WDR7: variants seen among roughly 807,000 people sequenced by gnomAD.
WDR7 encodes the protein WD repeat domain 7.
Under a neutral mutation model 169.4 loss-of-function variants are expected in WDR7, and 46 were observed. The observed-to-expected ratio is 0.27, with a 90% CI of 0.21 to 0.35. WDR7 has a LOEUF of 0.35. Among genes scored for constraint, WDR7 ranks in the 10% least tolerant of loss-of-function variants. The probability of loss-of-function intolerance (pLI) is 1.00; values close to 1 mark genes in which losing one functional copy is unlikely to be tolerated. For synonymous variants in WDR7, 612 were observed against 666.8 expected (o/e 0.92, Z 1.27); for missense variants, 1,534 against 1,859.3 (o/e 0.83, Z 3.22).
At chr18:56,722,599 T>C (rs890159382) in intron 13 of WDR7, among the ~76,000 whole-genome samples, 3 of 152,186 alleles carry the variant, frequency 2.0e-5, no homozygotes, top group African/African-American at 7.2e-5. Flanking sequence ...TAAAACCAAG[T>C]ATAATCAGAG....
intron 26 of WDR7, among the ~76,000 whole-genome samples, chr18:57,017,434 G>GCA (rs2048222432): frequency 6.7e-6 from 1 of 148,532 alleles, no homozygotes; most frequent in African/African-American, 2.5e-5. Flanking sequence ...GTGTGTGTGT[G>GCA]TGTGTGTGTG....
intron 14 of WDR7, among the ~76,000 whole-genome samples, chr18:56,744,864 G>A (rs547316477): frequency 6.6e-6 from 1 of 152,298 alleles, no homozygotes; most frequent in South Asian, 2.1e-4. Context: ...AGAAGGTGTG[G>A]CCAGAGTGGG....
chr18:56,725,244 G>T (rs924206682), intron 13 of WDR7, among the ~76,000 whole-genome samples: 3 of 150,710 alleles, frequency 2.0e-5, no homozygotes, highest in African/African-American at 7.5e-5. Flanking sequence ...CTTCCACAAT[G>T]GTTGAACTAG....
intron 20 of WDR7, among the ~76,000 whole-genome samples, chr18:56,833,668 T>A (rs532729890): frequency 2.0e-4 from 30 of 152,118 alleles, no homozygotes; most frequent in Admixed American, 1.3e-4. Flanking sequence ...CATATAAAAA[T>A]CTTTTCTTTA....
intron 19 of WDR7, among the ~76,000 whole-genome samples, chr18:56,789,736 A>G (rs1001134777): frequency 4.6e-5 from 7 of 152,178 alleles, no homozygotes; most frequent in African/African-American, 1.7e-4. Flanking sequence ...CCCTATCTTT[A>G]TACCTTCAGT....
At chr18:56,839,929 G>T (rs1416184338) in intron 20 of WDR7, among the ~76,000 whole-genome samples, 3 of 152,080 alleles carry the variant, frequency 2.0e-5, no homozygotes, top group Non-Finnish European at 2.9e-5. Flanking sequence ...GGGCATGGTG[G>T]CAGGTGCCTG....
At chr18:56,690,671 AG>A (rs1240601808) in intron 7 of WDR7, among the ~76,000 whole-genome samples, 1 of 151,952 alleles carries the variant, frequency 6.6e-6, no homozygotes, top group Non-Finnish European at 1.5e-5. Flanking sequence ...GAAATAAAAA[AG>A]TTAGCAGGGC....
chr18:56,686,403 T>G (rs1009856052), intron 6 of WDR7, among the ~76,000 whole-genome samples: 1 of 152,332 alleles, frequency 6.6e-6, no homozygotes, highest in African/African-American at 2.4e-5. Flanking sequence ...AGTCATCTAT[T>G]TCAGTTCTTT....
rs556377775 is a variant in WDR7 at position 56,986,701 on chromosome 18, A to G, written c.4164+24172A>G. On this transcript the variant is annotated intron_variant, in intron 26 of 27. Transcript: ENST00000254442. ...TTTACTTTCAGTTTATGTCCACTTG[A>G]TGTAAACAGAACCCAATGACGGGGG... is the stretch of plus-strand genomic sequence containing the variant. 9.7e-4 allele frequency among the ~76,000 whole-genome samples: 148 copies of G among 152,104 alleles called. No individual in the cohort carries two copies. In the Middle Eastern group the frequency reaches 0.024, roughly 24 times the overall value.
At chr18:56,749,178 A>G (rs1378305287) in intron 14 of WDR7, among the ~76,000 whole-genome samples, 1 of 152,094 alleles carries the variant, frequency 6.6e-6, no homozygotes, top group Non-Finnish European at 1.5e-5. Context: ...TCAAGAGTAA[A>G]ATTATAAAAT....
chr18:56,845,774 AT>A (rs1257355034), intron 20 of WDR7, among the ~76,000 whole-genome samples: 1 of 152,206 alleles, frequency 6.6e-6, no homozygotes, highest in Non-Finnish European at 1.5e-5. Context: ...AGTATTAGAT[AT>A]AAGTTTCTTT....
chr18:56,909,881 A>T (rs1016870341), intron 21 of WDR7, among the ~76,000 whole-genome samples: 24 of 152,182 alleles, frequency 1.6e-4, no homozygotes, highest in African/African-American at 5.5e-4. Flanking sequence ...AGGAAATATT[A>T]AAACCATACA....
rs571068410 is a variant in WDR7 at position 56,947,711 on chromosome 18, G to T, written c.4064+8318G>T. Among the ~76,000 whole-genome samples the T allele has an allele frequency of 8.5e-5, 13 of 152,332 alleles. No individual in the cohort carries two copies. In the South Asian group the frequency reaches 1.7e-3, roughly 19 times the overall value. ...TGACTGGTGTTACACTACTTAGTGT[G>T]CTGCAGCATCATGAAACGTGAAGGC... On this transcript the variant is annotated intron_variant, in intron 25 of 27. Transcript: ENST00000254442.
At chr18:56,727,119 G>A (rs900898959) in intron 13 of WDR7, among the ~76,000 whole-genome samples, 1 of 152,140 alleles carries the variant, frequency 6.6e-6, no homozygotes, top group Non-Finnish European at 1.5e-5. Context: ...TCAGACAATG[G>A]ACATTAGTCA....
At position 56,758,879 on chromosome 18, in the gene WDR7, G is replaced by A; in HGVS notation, c.2774G>A (p.Ser925Asn). Residue 925 changes from serine (S) to asparagine (N), a missense_variant, in exon 16 of 28, where the codon AGC (serine) becomes AAC (asparagine). Physicochemically the swap from Ser to Asn is conservative, Grantham distance 46. Transcript: ENST00000254442. Reference sequence around the variant, plus strand: ...TCTTTTTTAAGGCCACCTAGACCAAGCACCCCAGACCTTTCTAAGGCAAGG... The same window carrying A: ...TCTTTTTTAAGGCCACCTAGACCAAACACCCCAGACCTTTCTAAGGCAAGG... ...KKGPTRPPRP[S>N]TPDLSKARGS... 1 of 1,609,048 alleles carries A rather than the reference G, an allele frequency of 6.2e-7. No homozygotes were observed. Among genetic ancestry groups the A allele is most frequent in the Non-Finnish European group, 8.5e-7 (1 of 1,177,616 alleles).
intron 12 of WDR7, among the ~76,000 whole-genome samples, chr18:56,705,192 T>C (rs1000469538): frequency 8.5e-5 from 13 of 152,178 alleles, no homozygotes; most frequent in Non-Finnish European, 1.9e-4. Context: ...TTAAGTGTAG[T>C]ATTCAGTTTG....
At chr18:56,981,667 A>G (rs766833235) in intron 26 of WDR7, among the ~76,000 whole-genome samples, 3 of 152,286 alleles carry the variant, frequency 2.0e-5, no homozygotes, top group Non-Finnish European at 2.9e-5. Flanking sequence ...AATGCTGCCA[A>G]AAGGTCAAGT....
At chr18:57,020,560 A>G (rs1246751344) in intron 26 of WDR7, among the ~76,000 whole-genome samples, 185 bp from the exon 27 acceptor site, 1 of 152,224 alleles carries the variant, frequency 6.6e-6, no homozygotes, top group East Asian at 1.9e-4. Flanking sequence ...AAGCCCTTGG[A>G]GAGTTCCCTC....
chr18:56,881,326 AT>A (rs958222081), intron 21 of WDR7, among the ~76,000 whole-genome samples: 2 of 151,306 alleles, frequency 1.3e-5, no homozygotes, highest in South Asian at 2.1e-4. Flanking sequence ...TATGAGCACT[AT>A]TTTTTTTTAG....
Sources: gnomAD v4.1 joint callset for allele counts (sites outside exome capture counted in the v4.1 genomes callset) on GRCh38, gnomAD v4.1.1 for gene constraint, MANE v1.5 for transcripts, NCBI Gene and HGNC (gene_info 2026-07-23, HGNC 2026-07-21) for gene names.